The following LMOD3 variants were observed in gnomAD, a reference collection of about 807,000 sequenced individuals.
LMOD3 encodes the protein leiomodin-3.
Under a neutral mutation model 41.8 loss-of-function variants are expected in LMOD3, and 31 were observed. The ratio of observed to expected loss-of-function variants is 0.74; its 90% CI spans 0.56 to 1.00. The LOEUF is 1.00. Among genes scored for constraint, LMOD3 ranks in the 50% least tolerant of loss-of-function variants. The pLI is 0.00. For missense variants in LMOD3, 755 were observed against 679.5 expected (o/e 1.11, Z -1.23); for synonymous variants, 292 against 241.9 (o/e 1.21, Z -1.92).
intron 2 of LMOD3, among the ~76,000 whole-genome samples, chr3:69,114,186 A>G (rs1486758416): frequency 6.6e-6 from 1 of 152,178 alleles, no homozygotes; most frequent in African/African-American, 2.4e-5. Flanking sequence ...ATGCAAGTGC[A>G]GTGTGGCCAG....
Position 69,119,506 on chromosome 3 carries a change from G to A in LMOD3, c.849C>T (p.His283=). The change falls in exon 2 of 3, where the codon CAC becomes CAT. Residue 283 remains histidine (H), a synonymous_variant. Transcript: ENST00000420581. The part of the protein sequence containing the change: ...DFVNAMKKNK[H]IKTFSLANVG... Reference sequence around the variant, plus strand: ...CATTGGCTAAACTGAATGTTTTGATGTGCTTGTTTTTCTTCATTGCATTGA... The same window carrying A: ...CATTGGCTAAACTGAATGTTTTGATATGCTTGTTTTTCTTCATTGCATTGA... 6.2e-7 allele frequency: 1 copy of A among 1,613,948 alleles called. No individual in the cohort carries two copies. Among genetic ancestry groups the A allele is most frequent in the Non-Finnish European group, 8.5e-7 (1 of 1,179,862 alleles).
At chr3:69,111,671 A>C (rs1026593527) in intron 2 of LMOD3, among the ~76,000 whole-genome samples, 12 of 152,192 alleles carry the variant, frequency 7.9e-5, no homozygotes, top group Non-Finnish European at 1.8e-4. Flanking sequence ...GCCCTCCTGG[A>C]CTCAAGTGAT....
chr3:69,119,252 T>C lies in LMOD3; in HGVS notation c.1103A>G (p.Asn368Ser), dbSNP rs950795289. Residue 368 changes from asparagine to serine, a missense_variant, in exon 2 of 3, where the codon AAC (asparagine) becomes AGC (serine). Coordinates refer to ENST00000420581, the MANE Select transcript of LMOD3 (RefSeq NM_198271.5). ...MEIARLLKAN[N>S]TLLKMGYHFE... is the part of the protein sequence containing the mutation. ...ATGGTAGCCCATCTTCAGGAGAGTG[T>C]TGTTTGCCTTCAAAAGCCTGGCTAT... 2.5e-6 allele frequency: 4 copies of C among 1,613,820 alleles called. No individual in the cohort carries two copies. The highest frequency in any genetic ancestry group is 2.7e-5 in the African/African-American group (2 of 74,902).
chr3:69,114,603 G>A (rs1322416332), intron 2 of LMOD3, among the ~76,000 whole-genome samples: 1 of 152,004 alleles, frequency 6.6e-6, no homozygotes, highest in Non-Finnish European at 1.5e-5. Flanking sequence ...CACCTCCCAG[G>A]TTCTAGTGAT....
At chr3:69,118,570 G>T in intron 2 of LMOD3, 129 bp downstream of exon 2, 1 of 1,018,848 alleles carries the variant, frequency 9.8e-7, no homozygotes. Context: ...TATTGGTAAT[G>T]CTCATTGGCT....
intron 1 of LMOD3, among the ~76,000 whole-genome samples, chr3:69,121,185 T>C (rs1575882616): frequency 2.0e-5 from 3 of 152,336 alleles, no homozygotes; most frequent in African/African-American, 4.8e-5. Context: ...TTTTCATCCA[T>C]TGATCTCCAG....
chr3:69,122,452 A>T lies in LMOD3; in HGVS notation c.-66T>A. The stretch of plus-strand genomic sequence containing the variant: ...TCAAAGATGATTTTTAAAAAGAAGG[A>T]AAAAAGCCTCAAGAAGGTCCCCCAG... On this transcript the variant is annotated 5_prime_UTR_variant, in exon 1 of 3. Coordinates refer to ENST00000420581, the MANE Select transcript of LMOD3 (RefSeq NM_198271.5). The T allele has an allele frequency of 8.0e-7, 1 of 1,250,816 alleles. No individual in the cohort carries two copies. The highest frequency in any genetic ancestry group is 1.6e-5 in the South Asian group (1 of 63,992). The allele number at this position is 1,250,816 out of a possible 1,614,324, so 77.5% of individuals were successfully genotyped here.
At chr3:69,114,863 A>G (rs1039220256) in intron 2 of LMOD3, among the ~76,000 whole-genome samples, 1 of 151,808 alleles carries the variant, frequency 6.6e-6, no homozygotes, top group Non-Finnish European at 1.5e-5. Context: ...ATCTATAAGG[A>G]AAATAACTAC....
intron 1 of LMOD3, among the ~76,000 whole-genome samples, chr3:69,120,772 C>G (rs2092403784): frequency 6.6e-6 from 1 of 151,910 alleles, no homozygotes; most frequent in African/African-American, 2.4e-5. Flanking sequence ...GCCTAGGAAC[C>G]AGGGCCAGCT....
intron 1 of LMOD3, among the ~76,000 whole-genome samples, chr3:69,121,751 C>T (rs1254128787): frequency 6.6e-6 from 1 of 151,958 alleles, no homozygotes; most frequent in East Asian, 1.9e-4. Flanking sequence ...AAGGGGCCTG[C>T]AATAAAAAAG....
chr3:69,110,853 A>AAAAATAT (rs1458630453), intron 2 of LMOD3, among the ~76,000 whole-genome samples: 7 of 104,168 alleles, frequency 6.7e-5, no homozygotes, highest in African/African-American at 3.4e-4. Flanking sequence ...AAAAAAAAAA[A>AAAAATAT]ATATATATAT....
intron 2 of LMOD3, among the ~76,000 whole-genome samples, chr3:69,115,803 G>A (rs2092369695): frequency 1.3e-5 from 2 of 152,114 alleles, no homozygotes; most frequent in South Asian, 4.1e-4. Flanking sequence ...AGTCTAAGAT[G>A]TATATTTTGG....
Position 69,107,482 on chromosome 3 carries a change from T to G in LMOD3, c.*1613A>C, listed in dbSNP as rs1415479793. The G allele has an allele frequency of 1.0e-4, 12 of 120,526 alleles. No homozygotes were observed. Among genetic ancestry groups the G allele is most frequent in the African/African-American group, 3.0e-4 (9 of 29,942 alleles). The allele number at this position is 120,526 out of a possible 1,614,324, so 7.5% of individuals were successfully genotyped here. On this transcript the variant is annotated 3_prime_UTR_variant, in exon 3 of 3. Coordinates refer to ENST00000420581, the MANE Select transcript of LMOD3 (RefSeq NM_198271.5). ...TTTTTTTTTTTTTTTTTTTTTTTTT[T>G]TTTTTTTTTTTTGAGATGGAGTATC...
chr3:69,117,201 C>T (rs1166747109), intron 2 of LMOD3, among the ~76,000 whole-genome samples: 2 of 152,136 alleles, frequency 1.3e-5, no homozygotes, highest in East Asian at 3.9e-4. Context: ...GGCCACTGCT[C>T]CAGGAAGAAT....
At position 69,122,274 on chromosome 3, in the gene LMOD3, T is replaced by C. The variant is rs1479588438; in HGVS notation, c.113A>G (p.Glu38Gly). 5.0e-6 allele frequency: 8 copies of C among 1,613,656 alleles called. No individual in the cohort carries two copies. Among genetic ancestry groups the C allele is most frequent in the Non-Finnish European group, 5.9e-6 (7 of 1,179,774 alleles). The change falls in exon 1 of 3, where the codon GAA becomes GGA. Residue 38 changes from glutamate (E) to glycine (G), a missense_variant. Physicochemically the swap from Glu to Gly is moderately conservative, Grantham distance 98. Transcript: ENST00000420581. ...SAEELKELQS[E>G]MEVMAPDPSL... Reference sequence around the variant, plus strand: ...GGGGTCAGGGGCCATGACTTCCATTTCCGACTGCAGTTCTTTCAGTTCTTC... The same window carrying C: ...GGGGTCAGGGGCCATGACTTCCATTCCCGACTGCAGTTCTTTCAGTTCTTC...
intron 2 of LMOD3, among the ~76,000 whole-genome samples, chr3:69,113,697 T>C (rs1433948421): frequency 2.0e-5 from 3 of 152,208 alleles, no homozygotes; most frequent in Non-Finnish European, 2.9e-5. Flanking sequence ...ATAGTTATCT[T>C]GCGTGATTGG....
chr3:69,116,352 T>G (rs1332744854), intron 2 of LMOD3, among the ~76,000 whole-genome samples: 2 of 152,250 alleles, frequency 1.3e-5, no homozygotes, highest in East Asian at 3.8e-4. Flanking sequence ...GCCAGGCAAC[T>G]GAAGGCAGGA....
chr3:69,111,778 C>T (rs1277564097), intron 2 of LMOD3, among the ~76,000 whole-genome samples: 1 of 152,116 alleles, frequency 6.6e-6, no homozygotes, highest in Non-Finnish European at 1.5e-5. Flanking sequence ...GGCACTGACC[C>T]AGAATAGTAA....
chr3:69,122,054 A>T, intron 1 of LMOD3, 39 bp downstream of exon 1: 1 of 1,550,464 alleles, frequency 6.4e-7, no homozygotes, highest in Middle Eastern at 1.7e-4. Context: ...AGCCCATCCC[A>T]GGCAGCCATT....
Sources: allele counts gnomAD v4.1 joint callset (sites outside exome capture counted in the v4.1 genomes callset), GRCh38; gene constraint gnomAD v4.1.1; transcripts MANE v1.5; gene names NCBI Gene and HGNC (gene_info 2026-07-23, HGNC 2026-07-21).